PHACTR3: variants seen among roughly 807,000 people sequenced by gnomAD.
PHACTR3 encodes the protein protein phosphatase 1, regulatory subunit 123.
PHACTR3 carries 16 observed loss-of-function variants against 66.8 expected under a neutral mutation model. That is an observed-to-expected ratio of 0.24 (90% CI 0.16 to 0.36). PHACTR3 has a LOEUF of 0.36. PHACTR3 is among the 10% of genes least tolerant of loss of function. The pLI is 1.00. For synonymous variants in PHACTR3, 323 were observed against 292.1 expected, an observed-to-expected ratio of 1.11 and a Z score of -1.08; for missense variants, 647 against 719.9, an observed-to-expected ratio of 0.90 and a Z score of 1.16.
rs774807157 is a variant in PHACTR3 at position 59,743,225 on chromosome 20, A to G, written c.237A>G (p.Lys79=). The change falls in exon 2 of 13, where the codon AAA becomes AAG. Residue 79 remains lysine, a synonymous_variant. Transcript: ENST00000371015. Reference sequence around the variant, plus strand: ...TGGGCAGGATCTTCAAACCCTGGAAATGGAGGAAAAAGAAAAACGAAAAAC... The same window carrying G: ...TGGGCAGGATCTTCAAACCCTGGAAGTGGAGGAAAAAGAAAAACGAAAAAC... The part of the protein sequence containing the change: ...ATLGRIFKPW[K]WRKKKNEKLK... 6.2e-7 allele frequency: 1 copy of G among 1,614,110 alleles called. No individual in the cohort carries two copies. Among genetic ancestry groups the G allele is most frequent in the South Asian group, 1.1e-5 (1 of 91,080 alleles).
intron 5 of PHACTR3, among the ~76,000 whole-genome samples, chr20:59,767,633 G>A (rs906411219): frequency 2.0e-5 from 3 of 152,154 alleles, no homozygotes; most frequent in Non-Finnish European, 4.4e-5. Context: ...AGGAAACTGT[G>A]GTTGGCAGGA....
At chr20:59,713,581 G>C (rs1484688144) in intron 1 of PHACTR3, among the ~76,000 whole-genome samples, 1 of 151,990 alleles carries the variant, frequency 6.6e-6, no homozygotes, top group African/African-American at 2.4e-5. Flanking sequence ...CATGTTACCG[G>C]GTTTGATAAT....
chr20:59,781,269 G>A (rs963981452), intron 7 of PHACTR3, among the ~76,000 whole-genome samples: 1 of 152,354 alleles, frequency 6.6e-6, no homozygotes, highest in African/African-American at 2.4e-5. Flanking sequence ...GGGTCTATGT[G>A]CCAGGACAGG....
At chr20:59,578,548 C>T (rs1213394453) in intron 1 of PHACTR3, among the ~76,000 whole-genome samples, 1 of 152,186 alleles carries the variant, frequency 6.6e-6, no homozygotes, top group Non-Finnish European at 1.5e-5. Flanking sequence ...TGCCTCGAAA[C>T]GGGTTGATCC....
chr20:59,841,012 G>A (rs1038119470), intron 10 of PHACTR3, among the ~76,000 whole-genome samples: 8 of 152,100 alleles, frequency 5.3e-5, no homozygotes, highest in Non-Finnish European at 8.8e-5. Flanking sequence ...TAATTCTCTT[G>A]AAATTAACAG....
intron 1 of PHACTR3, 39 bp downstream of exon 1, chr20:59,605,171 G>A (rs2033615243): frequency 3.2e-6 from 4 of 1,251,770 alleles, no homozygotes; most frequent in Middle Eastern, 3.1e-4. Context: ...GGTCGGGGAG[G>A]CCCGAGGCAG....
In PHACTR3 at chr20:59,607,071, G is replaced by C. The variant is rs148980283; in HGVS notation, c.118+1939G>C. ...ACTTGATGGAGGAAGGGCGGGCTCAGGGAGTATTTTCTGTAAGCACCTTGC... is the reference window on the plus strand; with the variant it reads ...ACTTGATGGAGGAAGGGCGGGCTCACGGAGTATTTTCTGTAAGCACCTTGC... On this transcript the variant is annotated intron_variant, in intron 1 of 12. Coordinates refer to ENST00000371015, the MANE Select transcript of PHACTR3 (RefSeq NM_080672.5). 5.9e-5 allele frequency among the ~76,000 whole-genome samples: 9 copies of C among 152,304 alleles called. No individual in the cohort carries two copies. In the East Asian group the frequency reaches 1.7e-3, roughly 29 times the overall value.
intron 1 of PHACTR3, among the ~76,000 whole-genome samples, chr20:59,741,025 C>T (rs900007268): frequency 3.3e-5 from 5 of 152,238 alleles, no homozygotes; most frequent in Admixed American, 6.5e-5. Flanking sequence ...TCATAATCCC[C>T]GGCCCCTTGG....
chr20:59,622,889 G>T lies in PHACTR3; in HGVS notation c.118+17757G>T, dbSNP rs968174659. On this transcript the variant is annotated intron_variant, in intron 1 of 12. Transcript: ENST00000371015. ...CAGAGTGTCTGGGCTTATCCTGTTGGAGCAAAACCCCTGGGCTAATATGTA... is the reference window on the plus strand; with the variant it reads ...CAGAGTGTCTGGGCTTATCCTGTTGTAGCAAAACCCCTGGGCTAATATGTA... Among the ~76,000 whole-genome samples, 6 of 148,218 alleles carry T rather than the reference G, an allele frequency of 4.0e-5. No individual in the cohort carries two copies. In the East Asian group the frequency reaches 1.2e-3, roughly 30 times the overall value.
At chr20:59,743,857 T>C (rs1198350436) in intron 2 of PHACTR3, among the ~76,000 whole-genome samples, 1 of 152,112 alleles carries the variant, frequency 6.6e-6, no homozygotes, top group Non-Finnish European at 1.5e-5. Flanking sequence ...TCCTAAGCTG[T>C]CTCAGTGTGC....
At chr20:59,611,490 G>T (rs1315382270) in intron 1 of PHACTR3, among the ~76,000 whole-genome samples, 3 of 152,250 alleles carry the variant, frequency 2.0e-5, no homozygotes, top group Non-Finnish European at 4.4e-5. Context: ...CTGGCTAGGG[G>T]CCAGGCAGGA....
intron 1 of PHACTR3, among the ~76,000 whole-genome samples, chr20:59,742,221 G>A (rs1455173371): frequency 3.9e-5 from 6 of 152,226 alleles, no homozygotes; most frequent in South Asian, 2.1e-4. Context: ...TTTCCTGTCC[G>A]TGCTTGGAGA....
intron 1 of PHACTR3, among the ~76,000 whole-genome samples, chr20:59,590,458 G>A (rs1372118343): frequency 2.0e-5 from 3 of 152,156 alleles, no homozygotes; most frequent in Admixed American, 6.5e-5. Flanking sequence ...CCCAGCATTC[G>A]TGGTGCCTGT....
At chr20:59,821,641 G>A (rs2042030643) in intron 8 of PHACTR3, among the ~76,000 whole-genome samples, 1 of 152,182 alleles carries the variant, frequency 6.6e-6, no homozygotes, top group African/African-American at 2.4e-5. Context: ...TGCTTTAGGT[G>A]TTCAAGTTAA....
At chr20:59,642,077 G>T (rs1299564434) in intron 1 of PHACTR3, among the ~76,000 whole-genome samples, 2 of 152,118 alleles carry the variant, frequency 1.3e-5, no homozygotes, top group Non-Finnish European at 2.9e-5. Context: ...TCATTGGCTT[G>T]CATTTTGTAG....
chr20:59,588,404 G>A (rs568175625), intron 1 of PHACTR3, among the ~76,000 whole-genome samples: 4 of 152,202 alleles, frequency 2.6e-5, no homozygotes, highest in Non-Finnish European at 5.9e-5. Context: ...CAGCAGCCCC[G>A]TCCCCCTGGT....
At chr20:59,702,247 G>A (rs1384772066) in intron 1 of PHACTR3, among the ~76,000 whole-genome samples, 2 of 151,994 alleles carry the variant, frequency 1.3e-5, no homozygotes, top group African/African-American at 4.8e-5. Context: ...GACCCAAATG[G>A]CCTGGACCCA....
At chr20:59,655,098 G>C (rs1004641045) in intron 1 of PHACTR3, among the ~76,000 whole-genome samples, 22 of 152,028 alleles carry the variant, frequency 1.4e-4, no homozygotes, top group Non-Finnish European at 2.2e-4. Context: ...TTATAAAAGT[G>C]AAATTGCTGG....
At chr20:59,588,680 T>A (rs2033106818) in intron 1 of PHACTR3, among the ~76,000 whole-genome samples, 1 of 152,034 alleles carries the variant, frequency 6.6e-6, no homozygotes, top group Non-Finnish European at 1.5e-5. Context: ...CCCCTCCAGC[T>A]GCCCTGTGCT....
Sources: gnomAD v4.1 joint callset for allele counts (sites outside exome capture counted in the v4.1 genomes callset) on GRCh38, gnomAD v4.1.1 for gene constraint, MANE v1.5 for transcripts, NCBI Gene and HGNC (gene_info 2026-07-23, HGNC 2026-07-21) for gene names.